The following PLEKHO2 variants were observed in gnomAD, a reference collection of about 807,000 sequenced individuals.
The protein encoded by PLEKHO2 is pleckstrin homology domain containing O2.
Under a neutral mutation model 32.7 loss-of-function variants are expected in PLEKHO2, and 20 were observed. The ratio of observed to expected loss-of-function variants is 0.61; its 90% CI spans 0.43 to 0.89. The LOEUF (loss-of-function observed/expected upper bound fraction) is 0.89. Ranked by LOEUF, PLEKHO2 falls within the 40% of genes least tolerant of loss-of-function variation. The probability of loss-of-function intolerance (pLI) is 0.00; values close to 1 mark genes in which losing one functional copy is unlikely to be tolerated. For synonymous variants in PLEKHO2, 247 were observed against 246.3 expected, an observed-to-expected ratio of 1.00 and a Z score of -0.03; for missense variants, 568 against 621.2, an observed-to-expected ratio of 0.91 and a Z score of 0.91.
At chr15:64,844,271 C>T (rs902890021) in intron 1 of PLEKHO2, among the ~76,000 whole-genome samples, 13 of 152,346 alleles carry the variant, frequency 8.5e-5, no homozygotes, top group Non-Finnish European at 7.3e-5. Flanking sequence ...ATGCAACGGG[C>T]AGGCTGGTAG....
At chr15:64,854,722 C>T (rs1468705923) in intron 2 of PLEKHO2, among the ~76,000 whole-genome samples, 199 bp from the exon 3 acceptor site, 2 of 152,226 alleles carry the variant, frequency 1.3e-5, no homozygotes, top group Non-Finnish European at 2.9e-5. Flanking sequence ...GATGGGGAGC[C>T]TTGTGGGCAT....
rs567700324 is a variant in PLEKHO2, at chr15:64,841,952, C to A, written c.-65C>A. 1 of 1,240,360 alleles carries A rather than the reference C, an allele frequency of 8.1e-7. No homozygotes were observed. Among genetic ancestry groups the A allele is most frequent in the Non-Finnish European group, 1.0e-6 (1 of 991,622 alleles). The allele number at this position is 1,240,360 out of a possible 1,614,324, so 76.8% of individuals were successfully genotyped here. On this transcript the variant is annotated 5_prime_UTR_variant, in exon 1 of 6. Transcript: ENST00000323544. Reference sequence around the variant, plus strand: ...GTCGCCGCCTGGCCGGGCGTAGACGCGGTGGCAGAGCCCGCGCGGCGCTGG... The same window carrying A: ...GTCGCCGCCTGGCCGGGCGTAGACGAGGTGGCAGAGCCCGCGCGGCGCTGG...
intron 5 of PLEKHO2, among the ~76,000 whole-genome samples, chr15:64,863,515 GTGTT>G (rs1358777765): frequency 4.6e-5 from 5 of 109,570 alleles, no homozygotes; most frequent in Admixed American, 1.0e-4. Context: ...GTGTGTGTGT[GTGTT>G]TGTGTGTGTG....
chr15:64,857,470 G>A (rs1339474424), intron 3 of PLEKHO2, among the ~76,000 whole-genome samples: 1 of 152,178 alleles, frequency 6.6e-6, no homozygotes, highest in Admixed American at 6.5e-5. Context: ...GAGTAGCCGG[G>A]ACTGCAGGCA....
intron 1 of PLEKHO2, among the ~76,000 whole-genome samples, chr15:64,843,664 G>T (rs988045293): frequency 6.7e-6 from 1 of 149,574 alleles, no homozygotes; most frequent in African/African-American, 2.5e-5. Context: ...CACCGCAACC[G>T]CCACCTCCTG....
At chr15:64,848,509 C>T in intron 1 of PLEKHO2, 84 bp from the exon 2 acceptor site, 3 of 1,511,990 alleles carry the variant, frequency 2.0e-6, no homozygotes, top group Non-Finnish European at 2.7e-6. Flanking sequence ...AGCCTAGGGA[C>T]ACATCCCTTG....
chr15:64,843,592 T>C (rs1260037389), intron 1 of PLEKHO2, among the ~76,000 whole-genome samples: 1 of 151,756 alleles, frequency 6.6e-6, no homozygotes, highest in Non-Finnish European at 1.5e-5. Flanking sequence ...CTTTTTTTTT[T>C]TTTTTGAGAC....
rs1429445407 is a variant in PLEKHO2 at position 64,865,120 on chromosome 15, A to C, written c.705A>C (p.Ser235=). 1 of 1,613,992 alleles carries C rather than the reference A, an allele frequency of 6.2e-7. No homozygotes were observed. The highest frequency in any genetic ancestry group is 1.7e-5 in the Admixed American group (1 of 59,994). The part of the protein sequence containing the change: ...PVGERAPTPV[S]ASSEVSPESQ... ...GGGAGAGAGCCCCAACCCCTGTCTC[A>C]GCAAGCTCTGAGGTCTCCCCTGAGA... The change falls in exon 6 of 6, where the codon TCA becomes TCC. Residue 235 remains serine (S), a synonymous_variant. Coordinates refer to ENST00000323544, the MANE Select transcript of PLEKHO2 (RefSeq NM_025201.5).
At position 64,865,297 on chromosome 15, in the gene PLEKHO2, C is replaced by T. The variant is rs368676620; in HGVS notation, c.882C>T (p.Pro294=). ...AGAGTGCAGAACCGTCCCAGGCACC[C>T]TGTTCTGAGACTTCTGAGGCTGCCC... The part of the protein sequence containing the change: ...AAESAEPSQA[P]CSETSEAAPR... The change falls in exon 6 of 6, where the codon CCC becomes CCT. Residue 294 remains proline (P), a synonymous_variant. Coordinates refer to ENST00000323544, the MANE Select transcript of PLEKHO2 (RefSeq NM_025201.5). 3.5e-5 allele frequency: 57 copies of T among 1,613,708 alleles called. No individual in the cohort carries two copies. The highest frequency in any genetic ancestry group is 4.7e-5 in the Non-Finnish European group (56 of 1,179,798).
intron 1 of PLEKHO2, among the ~76,000 whole-genome samples, chr15:64,843,802 A>G (rs570310154): frequency 1.3e-5 from 2 of 151,258 alleles, no homozygotes; most frequent in Non-Finnish European, 3.0e-5. Flanking sequence ...CTGGTCTCGA[A>G]CTCCTGACCT....
chr15:64,858,378 G>A (rs543063866), intron 3 of PLEKHO2, among the ~76,000 whole-genome samples: 1 of 152,272 alleles, frequency 6.6e-6, no homozygotes, highest in South Asian at 2.1e-4. Flanking sequence ...TGGAGGGAGG[G>A]GAGGTACTAT....
rs753620849 is a variant in PLEKHO2, at chr15:64,864,929, C to T, written c.514C>T (p.Arg172Cys). 56 of 1,612,186 alleles carry T rather than the reference C, an allele frequency of 3.5e-5. No individual in the cohort carries two copies. Among genetic ancestry groups the T allele is most frequent in the Non-Finnish European group, 4.5e-5 (53 of 1,178,830 alleles). Residue 172 changes from arginine (R) to cysteine (C), a missense_variant, in exon 6 of 6, where the codon CGC (arginine) becomes TGC (cysteine). Physicochemically the swap from Arg to Cys is radical, Grantham distance 180. Transcript: ENST00000323544. ...CAGTGCAGCTTCTGACGGTCTTCTG[C>T]GCCTGGATCTTGATGTTCCGGACAG... is the stretch of plus-strand genomic sequence containing the variant. ...VASAASDGLL[R>C]LDLDVPDSGP...
At chr15:64,858,253 G>T (rs187143564) in intron 3 of PLEKHO2, among the ~76,000 whole-genome samples, 4 of 152,348 alleles carry the variant, frequency 2.6e-5, no homozygotes, top group Non-Finnish European at 5.9e-5. Flanking sequence ...GCCTGGCATG[G>T]TGGGGGTGGG....
rs11444627 is a variant in PLEKHO2, at chr15:64,864,893, C to CT, written c.484-6_484-5insT. On this transcript the variant is annotated splice_region_variant and splice_polypyrimidine_tract_variant and intron_variant, in intron 5 of 5. Coordinates refer to ENST00000323544, the MANE Select transcript of PLEKHO2 (RefSeq NM_025201.5). ...GATGACACCCATATACCATCCCCCC[C>CT]ACCAGGTGGCCAGTGCAGCTTCTGA... 28 of 1,582,040 alleles carry CT rather than the reference C, an allele frequency of 1.8e-5. No homozygotes were observed. In the African/African-American group the frequency reaches 3.5e-4, roughly 20 times the overall value.
At chr15:64,845,588 G>A in intron 1 of PLEKHO2, among the ~76,000 whole-genome samples, 1 of 152,104 alleles carries the variant, frequency 6.6e-6, no homozygotes, top group Non-Finnish European at 1.5e-5. Context: ...GCTGGGCTGT[G>A]GTTCACACCA....
intron 5 of PLEKHO2, among the ~76,000 whole-genome samples, chr15:64,864,436 G>A (rs180889907): frequency 1.2e-4 from 18 of 152,334 alleles, no homozygotes; most frequent in African/African-American, 4.3e-4. Context: ...GTATGTTTGA[G>A]TCCTGGTCCT....
chr15:64,866,129 G>A lies in PLEKHO2; in HGVS notation c.*241G>A, dbSNP rs1381911968. ...TATCTGGCCTGGCCTCTGGGCTGGG[G>A]CTGGGGCTGGGAGCACACACGCTGG... On this transcript the variant is annotated 3_prime_UTR_variant, in exon 6 of 6. Transcript: ENST00000323544. The A allele has an allele frequency of 5.0e-6, 3 of 596,896 alleles. No homozygotes were observed. The highest frequency in any genetic ancestry group is 5.8e-5 in the East Asian group (2 of 34,474). 37.0% of individuals were successfully genotyped at this position (596,896 alleles called of 1,614,324 possible).
rs760637490 is a variant in PLEKHO2, at chr15:64,855,055, G to C, written c.279+18G>C. On this transcript the variant is annotated intron_variant, in intron 3 of 5. Coordinates refer to ENST00000323544, the MANE Select transcript of PLEKHO2 (RefSeq NM_025201.5). Reference sequence around the variant, plus strand: ...GGAACAAGGTAGGGCGATGCCTGCTGCTGCCCCATCTCCCTCTAGCCCAGA... The same window carrying C: ...GGAACAAGGTAGGGCGATGCCTGCTCCTGCCCCATCTCCCTCTAGCCCAGA... 6.4e-7 allele frequency: 1 copy of C among 1,550,954 alleles called. No individual in the cohort carries two copies. The highest frequency in any genetic ancestry group is 1.2e-5 in the South Asian group (1 of 85,090).
At chr15:64,856,786 G>T (rs1567097010) in intron 3 of PLEKHO2, among the ~76,000 whole-genome samples, 1 of 152,124 alleles carries the variant, frequency 6.6e-6, no homozygotes, top group Non-Finnish European at 1.5e-5. Context: ...ACAGATTGGG[G>T]CTCTCCAGAG....
Sources: allele counts gnomAD v4.1 joint callset (sites outside exome capture counted in the v4.1 genomes callset), GRCh38; gene constraint gnomAD v4.1.1; transcripts MANE v1.5; gene names NCBI Gene and HGNC (gene_info 2026-07-23, HGNC 2026-07-21).